The following PXDNL variants were observed in gnomAD, a reference collection of about 807,000 sequenced individuals.
The protein encoded by PXDNL is peroxidasin like.
A neutral mutation model predicts 150.8 loss-of-function variants in PXDNL; 145 were observed. The observed-to-expected ratio is 0.96, with a 90% confidence interval of 0.84 to 1.10. The LOEUF (loss-of-function observed/expected upper bound fraction) is 1.10. Among genes scored for constraint, PXDNL ranks in the 50% least tolerant of loss-of-function variants. The pLI, the probability that PXDNL is intolerant of heterozygous loss-of-function variation, is 0.00. For missense variants in PXDNL, 2,087 were observed against 1,873.9 expected (o/e 1.11, Z -2.10); for synonymous variants, 757 against 725.7 (o/e 1.04, Z -0.69).
intron 5 of PXDNL, among the ~76,000 whole-genome samples, chr8:51,486,760 A>ATG (rs1241549853): frequency 3.0e-3 from 48 of 15,872 alleles, no homozygotes; most frequent in Admixed American, 0.014. Context: ...TTATATATAT[A>ATG]TATATATATA....
intron 3 of PXDNL, among the ~76,000 whole-genome samples, chr8:51,561,585 C>T (rs1334342157): frequency 6.6e-6 from 1 of 151,604 alleles, no homozygotes; most frequent in Non-Finnish European, 1.5e-5. Flanking sequence ...AATGGATTAA[C>T]ATTGAGGACA....
chr8:51,782,979 C>A (rs2037429890), intron 1 of PXDNL, among the ~76,000 whole-genome samples: 1 of 152,202 alleles, frequency 6.6e-6, no homozygotes, highest in Non-Finnish European at 1.5e-5. Flanking sequence ...GTACAGCATT[C>A]ATGCATCCAC....
intron 17 of PXDNL, among the ~76,000 whole-genome samples, chr8:51,403,439 G>T (rs1353276181): frequency 1.3e-5 from 2 of 152,150 alleles, no homozygotes; most frequent in Non-Finnish European, 2.9e-5. Context: ...CCTCTAAGGG[G>T]CAGTGTTCCA....
chr8:51,730,770 G>A (rs1315385081), intron 1 of PXDNL, among the ~76,000 whole-genome samples: 1 of 152,156 alleles, frequency 6.6e-6, no homozygotes, highest in Non-Finnish European at 1.5e-5. Flanking sequence ...CACATTCATG[G>A]CAGAAGGTGA....
At chr8:51,361,845 C>T (rs2130754004) in intron 19 of PXDNL, among the ~76,000 whole-genome samples, 1 of 146,836 alleles carries the variant, frequency 6.8e-6, no homozygotes, top group African/African-American at 2.5e-5. Context: ...ACCTGTAGTC[C>T]CAGCTACTTG....
intron 19 of PXDNL, among the ~76,000 whole-genome samples, chr8:51,359,773 G>A (rs996460755): frequency 6.6e-6 from 1 of 151,974 alleles, no homozygotes; most frequent in Non-Finnish European, 1.5e-5. Flanking sequence ...AAGCATTAGA[G>A]AACCCTATTT....
At chr8:51,599,014 T>G (rs1265602631) in intron 2 of PXDNL, among the ~76,000 whole-genome samples, 1 of 152,194 alleles carries the variant, frequency 6.6e-6, no homozygotes, top group African/African-American at 2.4e-5. Context: ...TTTTCTAGTT[T>G]GTGTATATAG....
At chr8:51,477,482 G>A (rs1810505928) in intron 6 of PXDNL, among the ~76,000 whole-genome samples, 3 of 152,132 alleles carry the variant, frequency 2.0e-5, no homozygotes, top group African/African-American at 7.2e-5. Flanking sequence ...AGTGGGCCTC[G>A]GCTGTTCCTT....
chr8:51,643,606 G>A (rs1484922610), intron 2 of PXDNL, among the ~76,000 whole-genome samples: 3 of 152,074 alleles, frequency 2.0e-5, no homozygotes, highest in Non-Finnish European at 4.4e-5. Context: ...CAAAACCTAG[G>A]CAATACCATT....
At chr8:51,648,621 A>AT (rs565894562) in intron 2 of PXDNL, among the ~76,000 whole-genome samples, 4 of 152,088 alleles carry the variant, frequency 2.6e-5, no homozygotes, top group African/African-American at 7.2e-5. Context: ...GGCTTTGGTG[A>AT]TTTTTTTTAA....
chr8:51,787,372 T>G (rs2037470137), intron 1 of PXDNL, among the ~76,000 whole-genome samples: 1 of 152,224 alleles, frequency 6.6e-6, no homozygotes, highest in African/African-American at 2.4e-5. Flanking sequence ...CTGGAAAAGA[T>G]TCACCATTCT....
At position 51,614,549 on chromosome 8, in the gene PXDNL, A is replaced by G. The variant is rs371270502; in HGVS notation, c.237-21851T>C. Among the ~76,000 whole-genome samples, 3 of 152,344 alleles carry G rather than the reference A, an allele frequency of 2.0e-5. No homozygotes were observed. In the East Asian group the frequency reaches 5.8e-4, roughly 29 times the overall value. ...CTCTGAACCTATTCTGGTTGGGAGT[A>G]GAGATGACCAATTCACGAATTGTTA... On this transcript the variant is annotated intron_variant, in intron 2 of 22. Coordinates refer to ENST00000356297, the MANE Select transcript of PXDNL (RefSeq NM_144651.5).
intron 1 of PXDNL, among the ~76,000 whole-genome samples, chr8:51,731,491 A>G (rs940249724): frequency 6.6e-6 from 1 of 152,218 alleles, no homozygotes; most frequent in African/African-American, 2.4e-5. Context: ...CAGCTTTTCC[A>G]GGCACATAGT....
intron 8 of PXDNL, among the ~76,000 whole-genome samples, chr8:51,464,194 T>C (rs796894384): frequency 2.0e-5 from 3 of 152,208 alleles, no homozygotes; most frequent in African/African-American, 7.2e-5. Flanking sequence ...CAAGACCCTG[T>C]ATCTACAAAA....
At chr8:51,472,056 A>C in intron 8 of PXDNL, 131 bp downstream of exon 8, 1 of 586,932 alleles carries the variant, frequency 1.7e-6, no homozygotes, top group Non-Finnish European at 3.0e-6. Context: ...TAAAAGTTAA[A>C]AGGCATTTTA....
intron 12 of PXDNL, among the ~76,000 whole-genome samples, chr8:51,428,826 A>AG (rs1479770452): frequency 6.6e-6 from 1 of 151,216 alleles, no homozygotes; most frequent in Admixed American, 6.5e-5. Context: ...GATCTATTAA[A>AG]GAAAAAAAAT....
At chr8:51,667,400 T>A (rs1372987129) in intron 1 of PXDNL, among the ~76,000 whole-genome samples, 1 of 152,242 alleles carries the variant, frequency 6.6e-6, no homozygotes, top group Non-Finnish European at 1.5e-5. Context: ...ACCCTCCATG[T>A]TAGTTTTACA....
chr8:51,444,795 T>C (rs1416246200), intron 12 of PXDNL, among the ~76,000 whole-genome samples: 3 of 152,234 alleles, frequency 2.0e-5, no homozygotes, highest in Non-Finnish European at 2.9e-5. Flanking sequence ...GTGATCCTAG[T>C]TTATAGATCT....
chr8:51,604,151 A>G (rs1813790680), intron 2 of PXDNL, among the ~76,000 whole-genome samples: 1 of 152,204 alleles, frequency 6.6e-6, no homozygotes, highest in Admixed American at 6.5e-5. Context: ...ATTACTGGGT[A>G]TATACCCAAA....
Sources: gnomAD v4.1 joint callset for allele counts (sites outside exome capture counted in the v4.1 genomes callset) on GRCh38, gnomAD v4.1.1 for gene constraint, MANE v1.5 for transcripts, NCBI Gene and HGNC (gene_info 2026-07-23, HGNC 2026-07-21) for gene names.